Variants in HUNK observed in about 807,000 individuals in gnomAD.
HUNK encodes the protein hormonally up-regulated neu tumor-associated kinase.
HUNK carries 21 observed loss-of-function variants against 61.0 expected under a neutral mutation model. The ratio of observed to expected loss-of-function variants is 0.34; its 90% CI spans 0.24 to 0.50. The LOEUF (loss-of-function observed/expected upper bound fraction) is 0.50. Among genes scored for constraint, HUNK ranks in the 20% least tolerant of loss-of-function variants. The probability of loss-of-function intolerance (pLI) is 0.98; values close to 1 mark genes in which losing one functional copy is unlikely to be tolerated. For missense variants in HUNK, 772 were observed against 945.7 expected, an observed-to-expected ratio of 0.82 and a Z score of 2.41; for synonymous variants, 371 against 386.1, an observed-to-expected ratio of 0.96 and a Z score of 0.46.
Position 31,998,901 on chromosome 21 carries a change from CTT to C in HUNK, c.1865_1866del (p.Phe622CysfsTer5). ...ACTCCTTTGCATCCAACTCTGGTCT[CTT>C]TTGCTCACGAAGATAAGAACAGCCC... On this transcript the variant is annotated frameshift_variant, in exon 11 of 11. Transcript: ENST00000270112. LOFTEE classifies it high-confidence loss of function. 1 of 1,614,254 alleles carries C rather than the reference CTT, an allele frequency of 6.2e-7. No homozygotes were observed. The highest frequency in any genetic ancestry group is 8.5e-7 in the Non-Finnish European group (1 of 1,180,046).
intron 2 of HUNK, among the ~76,000 whole-genome samples, chr21:31,934,752 A>G: frequency 6.6e-6 from 1 of 152,132 alleles, no homozygotes; most frequent in East Asian, 1.9e-4. Context: ...AAGGAAGAAC[A>G]TGCAATATTT....
intron 7 of HUNK, among the ~76,000 whole-genome samples, chr21:31,979,795 A>C (rs146853205): frequency 1.3e-5 from 2 of 151,868 alleles, no homozygotes; most frequent in Non-Finnish European, 2.9e-5. Context: ...GATTACAGGC[A>C]TAAGCCACCA....
chr21:31,876,438 T>A (rs2052263002), intron 1 of HUNK, among the ~76,000 whole-genome samples: 1 of 152,218 alleles, frequency 6.6e-6, no homozygotes, highest in Non-Finnish European at 1.5e-5. Context: ...CTAATAGATT[T>A]GGGTTTTAGC....
At chr21:31,985,284 C>T (rs763181138) in intron 8 of HUNK, among the ~76,000 whole-genome samples, 7 of 152,318 alleles carry the variant, frequency 4.6e-5, no homozygotes, top group East Asian at 3.9e-4. Flanking sequence ...CCTTTTCCAA[C>T]GTAAAGTTTT....
chr21:31,989,723 A>C (rs2053158665), intron 8 of HUNK, among the ~76,000 whole-genome samples: 1 of 151,620 alleles, frequency 6.6e-6, no homozygotes, highest in Non-Finnish European at 1.5e-5. Flanking sequence ...CAAAAAAAAA[A>C]AAAAAAAAAA....
chr21:31,904,888 T>C (rs1217057635), intron 1 of HUNK, among the ~76,000 whole-genome samples: 1 of 151,916 alleles, frequency 6.6e-6, no homozygotes, highest in East Asian at 1.9e-4. Flanking sequence ...GGTCAGGAGT[T>C]TGAGACCAGC....
intron 5 of HUNK, among the ~76,000 whole-genome samples, chr21:31,966,791 C>T (rs1052800903): frequency 4.6e-5 from 7 of 152,090 alleles, no homozygotes; most frequent in African/African-American, 9.7e-5. Flanking sequence ...ATAGAAAAAT[C>T]GGGGGACCAA....
chr21:32,001,018 T>G lies in HUNK; in HGVS notation c.*1834T>G. On this transcript the variant is annotated 3_prime_UTR_variant, in exon 11 of 11. Coordinates refer to ENST00000270112, the MANE Select transcript of HUNK (RefSeq NM_014586.2). ...CAGGTGTGGTGGCTCACACCTGTAA[T>G]CCCAGCACTTTGGGAGGCCGAGGCA... is the stretch of plus-strand genomic sequence containing the variant. 7.1e-6 allele frequency: 2 copies of G among 283,118 alleles called. No homozygotes were observed. Among genetic ancestry groups the G allele is most frequent in the Non-Finnish European group, 1.3e-5 (2 of 153,448 alleles). The allele number at this position is 283,118 out of a possible 1,614,324, so 17.5% of individuals were successfully genotyped here. A position where few individuals can be genotyped will look rare whatever the true frequency, so the allele number is the denominator to read the frequency against.
chr21:31,985,857 TGAA>T (rs1341702390), intron 8 of HUNK, among the ~76,000 whole-genome samples: 1 of 152,018 alleles, frequency 6.6e-6, no homozygotes, highest in African/African-American at 2.4e-5. Context: ...GACACTGCAG[TGAA>T]GGGAGAGAAC....
At chr21:31,997,004 G>A (rs886527125) in intron 10 of HUNK, among the ~76,000 whole-genome samples, 2 of 152,224 alleles carry the variant, frequency 1.3e-5, no homozygotes, top group Non-Finnish European at 2.9e-5. Context: ...CATCTCAGGT[G>A]CCTGCGCCGG....
intron 2 of HUNK, among the ~76,000 whole-genome samples, chr21:31,927,153 G>A (rs1329889895): frequency 6.6e-6 from 1 of 151,942 alleles, no homozygotes; most frequent in Non-Finnish European, 1.5e-5. Context: ...AGATTCTACT[G>A]CCTCAGCTTC....
At chr21:31,974,787 T>G in intron 7 of HUNK, 70 bp downstream of exon 7, 6 of 1,406,458 alleles carry the variant, frequency 4.3e-6, no homozygotes, top group Non-Finnish European at 5.7e-6. Context: ...CCAAAGTGCT[T>G]CTCAGTTGCT....
intron 9 of HUNK, among the ~76,000 whole-genome samples, chr21:31,993,808 G>A (rs891157955): frequency 2.0e-5 from 3 of 152,136 alleles, no homozygotes; most frequent in Non-Finnish European, 4.4e-5. Context: ...TGGAGGACAC[G>A]TTCCCCTTCA....
At chr21:31,922,189 A>G (rs142039952) in intron 1 of HUNK, among the ~76,000 whole-genome samples, 2,259 of 141,488 alleles carry the variant, frequency 0.016, 51 homozygotes, top group African/African-American at 0.055. Context: ...GCTAATTTTT[A>G]TATTTTTAGT....
At chr21:31,995,969 C>T (rs780387782) in intron 10 of HUNK, 21 bp downstream of exon 10, 110 of 1,592,208 alleles carry the variant, frequency 6.9e-5, no homozygotes, top group Non-Finnish European at 8.7e-5. Context: ...TCTGGGGACT[C>T]TCTCAGGCCA....
At chr21:31,936,508 G>A (rs1311442437) in intron 2 of HUNK, among the ~76,000 whole-genome samples, 1 of 152,194 alleles carries the variant, frequency 6.6e-6, no homozygotes, top group African/African-American at 2.4e-5. Flanking sequence ...AGTTGGATTG[G>A]TTGTCACTGA....
At position 31,980,261 on chromosome 21, in the gene HUNK, G is replaced by A. The variant is rs530162878; in HGVS notation, c.1174-3265G>A. Among the ~76,000 whole-genome samples the A allele has an allele frequency of 4.6e-5, 7 of 151,966 alleles. No individual in the cohort carries two copies. In the South Asian group the frequency reaches 8.3e-4, roughly 18 times the overall value. ...AAATTTTTGTATTTTTAGTAGAGAC[G>A]GGGTTTCACTATGTTGGCCAGGCTG... On this transcript the variant is annotated intron_variant, in intron 7 of 10. Transcript: ENST00000270112.
Position 31,873,951 on chromosome 21 carries a change from G to A in HUNK, c.261+16G>A, listed in dbSNP as rs1333699675. 4.0e-6 allele frequency: 6 copies of A among 1,485,674 alleles called. No individual in the cohort carries two copies. The highest frequency in any genetic ancestry group is 5.4e-6 in the Non-Finnish European group (6 of 1,117,542). The allele number at this position is 1,485,674 out of a possible 1,614,324, so 92.0% of individuals were successfully genotyped here. ...CGGGGAGAAGGTGAGTCTCCCGGGC[G>A]CCGTGGGGCTGGGGCACAGGGGCGG... On this transcript the variant is annotated intron_variant, in intron 1 of 10. Coordinates refer to ENST00000270112, the MANE Select transcript of HUNK (RefSeq NM_014586.2). The surrounding 1 kb of genome is among the most constrained non-coding windows in gnomAD (Gnocchi z 6.1).
At chr21:31,966,911 A>G (rs1186838812) in intron 5 of HUNK, among the ~76,000 whole-genome samples, 2 of 152,214 alleles carry the variant, frequency 1.3e-5, no homozygotes, top group African/African-American at 4.8e-5. Flanking sequence ...ACTTTGTAAA[A>G]TAAGGGCTAT....
Sources: gnomAD v4.1 joint callset for allele counts (sites outside exome capture counted in the v4.1 genomes callset) on GRCh38, gnomAD v4.1.1 for gene constraint, Gnocchi (gnomAD v3.1) non-coding constraint, MANE v1.5 for transcripts, NCBI Gene and HGNC (gene_info 2026-07-23, HGNC 2026-07-21) for gene names.